The following ANO1 variants were observed in gnomAD, a reference collection of about 807,000 sequenced individuals.
The protein encoded by ANO1 is anoctamin-1.
In ANO1, 59 loss-of-function variants were observed where a neutral mutation model predicts 124.0. That is an observed-to-expected ratio of 0.48 (90% confidence interval 0.39 to 0.59). The LOEUF (loss-of-function observed/expected upper bound fraction) is 0.59. ANO1 is among the 20% of genes least tolerant of loss of function. ANO1 has a pLI of 0.00. For missense variants in ANO1, 1,059 were observed against 1,328.0 expected, an observed-to-expected ratio of 0.80 and a Z score of 3.15; for synonymous variants, 529 against 532.0, an observed-to-expected ratio of 0.99 and a Z score of 0.08.
At chr11:70,072,708 G>A (rs564295494) in intron 1 of ANO1, 1 of 152,302 alleles carries the variant, frequency 6.6e-6, no homozygotes. Flanking sequence ...CCAACACCAG[G>A]GGAGGGATGC....
At chr11:70,177,142 CT>C (rs1025635796) in intron 22 of ANO1, among the ~76,000 whole-genome samples, 3 of 152,220 alleles carry the variant, frequency 2.0e-5, no homozygotes, top group Admixed American at 2.0e-4. Flanking sequence ...GGCGGACCCC[CT>C]TGCCTGCCTG....
intron 1 of ANO1, among the ~76,000 whole-genome samples, chr11:70,038,511 C>T (rs1857129947): frequency 6.6e-6 from 1 of 152,186 alleles, no homozygotes; most frequent in Non-Finnish European, 1.5e-5. Flanking sequence ...ACTAGCCTTG[C>T]TGAGAGATCC....
intron 1 of ANO1, among the ~76,000 whole-genome samples, chr11:70,081,409 G>A (rs772544783): frequency 2.6e-5 from 4 of 152,180 alleles, no homozygotes; most frequent in Non-Finnish European, 5.9e-5. Context: ...TCTGCTTGTA[G>A]ATTATGGAAC....
chr11:70,135,175 A>AC (rs2046910387), intron 11 of ANO1, among the ~76,000 whole-genome samples: 1 of 151,964 alleles, frequency 6.6e-6, no homozygotes, highest in African/African-American at 2.4e-5. Context: ...GGCCCTGGGG[A>AC]CCCTGATTTC....
intron 1 of ANO1, among the ~76,000 whole-genome samples, chr11:70,070,445 G>A (rs1555009165): frequency 1.3e-5 from 2 of 152,178 alleles, no homozygotes; most frequent in South Asian, 2.1e-4. Flanking sequence ...CACTTTGGGA[G>A]GCCAAGGTGG....
intron 5 of ANO1, 52 bp downstream of exon 5, chr11:70,105,840 A>G: frequency 6.4e-7 from 1 of 1,560,490 alleles, no homozygotes; most frequent in Non-Finnish European, 8.8e-7. Flanking sequence ...GGCCCTGGGG[A>G]TCCAGATGAT....
intron 1 of ANO1, among the ~76,000 whole-genome samples, chr11:70,011,966 T>TCATCCACCCATCTATCCATC (rs1311394876): frequency 7.3e-4 from 111 of 152,226 alleles, no homozygotes; most frequent in African/African-American, 2.4e-3. Context: ...TTCCATCTAT[T>TCATCCACCCATCTATCCATC]CATCCACCCA....
intron 1 of ANO1, among the ~76,000 whole-genome samples, chr11:69,989,550 T>C (rs1554997219): frequency 6.6e-6 from 1 of 151,882 alleles, no homozygotes; most frequent in Non-Finnish European, 1.5e-5. Context: ...GGAGCCAGTG[T>C]GGGGGTCTCC....
intron 1 of ANO1, among the ~76,000 whole-genome samples, chr11:70,082,409 C>T (rs1188679399): frequency 6.6e-6 from 1 of 152,134 alleles, no homozygotes; most frequent in Non-Finnish European, 1.5e-5. Flanking sequence ...AAATTATGAA[C>T]ATTAACCAGG....
chr11:70,125,343 AAAATAAAT>A (rs1156479934), intron 9 of ANO1, among the ~76,000 whole-genome samples: 1 of 148,332 alleles, frequency 6.7e-6, no homozygotes, highest in Non-Finnish European at 1.5e-5. Flanking sequence ...ACTCCATCTC[AAAATAAAT>A]AAATAAATAA....
chr11:70,044,688 G>A (rs1857231864), intron 1 of ANO1, among the ~76,000 whole-genome samples: 6 of 152,158 alleles, frequency 3.9e-5, no homozygotes, highest in Admixed American at 1.3e-4. Flanking sequence ...TAGTCATGAA[G>A]TATCTCCTCA....
chr11:70,178,750 G>T (rs922024912), intron 22 of ANO1, among the ~76,000 whole-genome samples: 1 of 152,204 alleles, frequency 6.6e-6, no homozygotes, highest in African/African-American at 2.4e-5. Context: ...TTTTAGTAGA[G>T]ATGGGGTTTT....
At chr11:70,034,275 C>T (rs374789334) in intron 1 of ANO1, among the ~76,000 whole-genome samples, 4 of 152,056 alleles carry the variant, frequency 2.6e-5, no homozygotes, top group Admixed American at 6.5e-5. Flanking sequence ...CACATGCTGT[C>T]GGGAGGGGCA....
chr11:70,033,677 T>A (rs1354455866), intron 1 of ANO1, among the ~76,000 whole-genome samples: 2 of 152,032 alleles, frequency 1.3e-5, no homozygotes, highest in Admixed American at 6.5e-5. Flanking sequence ...TTCAAGGAAC[T>A]CACAGATGTA....
intron 20 of ANO1, among the ~76,000 whole-genome samples, chr11:70,166,854 T>C (rs535617096): frequency 1.8e-3 from 270 of 152,246 alleles, no homozygotes; most frequent in Admixed American, 3.0e-3. Context: ...AACTTAGAAA[T>C]ATCACTGGAG....
chr11:69,974,164 C>G, the ANO1 span, among the ~76,000 whole-genome samples: 1 of 151,796 alleles, frequency 6.6e-6, no homozygotes, highest in Non-Finnish European at 1.5e-5. Flanking sequence ...ACTAAAAATA[C>G]AAAAATTAGC....
chr11:69,981,196 C>T (rs1051290222), upstream of ANO1, among the ~76,000 whole-genome samples: 5 of 152,326 alleles, frequency 3.3e-5, no homozygotes, highest in Admixed American at 1.3e-4. Flanking sequence ...TTTTGGGAAA[C>T]GCTGTGTTTC....
At chr11:70,115,631 A>AAAAC (rs989088848) in intron 7 of ANO1, among the ~76,000 whole-genome samples, 7 of 151,810 alleles carry the variant, frequency 4.6e-5, no homozygotes, top group Admixed American at 3.3e-4. Flanking sequence ...AAACAAAATC[A>AAAAC]AAACAAACAA....
At chr11:70,177,587 T>C (rs1017524459) in intron 22 of ANO1, among the ~76,000 whole-genome samples, 6 of 126,694 alleles carry the variant, frequency 4.7e-5, no homozygotes, top group African/African-American at 1.8e-4. Flanking sequence ...TCTTTTCTTT[T>C]TTTTTTCTTT....
Sources: allele counts gnomAD v4.1 joint callset (sites outside exome capture counted in the v4.1 genomes callset), GRCh38; gene constraint gnomAD v4.1.1; transcripts MANE v1.5; gene names NCBI Gene and HGNC (gene_info 2026-07-23, HGNC 2026-07-21).